Variants in DLG2 observed in about 807,000 individuals in gnomAD.
DLG2 encodes the protein disks large homolog 2.
A neutral mutation model predicts 132.5 loss-of-function variants in DLG2; 45 were observed. The ratio of observed to expected loss-of-function variants is 0.34; its 90% CI spans 0.27 to 0.44. The LOEUF is 0.44. Ranked by LOEUF, DLG2 falls within the 20% of genes least tolerant of loss-of-function variation. DLG2 has a pLI of 1.00. For missense variants in DLG2, 1,045 were observed against 1,196.9 expected (o/e 0.87, Z 1.87); for synonymous variants, 424 against 419.6 (o/e 1.01, Z -0.13).
At chr11:85,455,448 A>G (rs2092390337) in intron 3 of DLG2, among the ~76,000 whole-genome samples, 1 of 152,178 alleles carries the variant, frequency 6.6e-6, no homozygotes, top group East Asian at 1.9e-4. Context: ...TTTGCTAGAT[A>G]TTGAATCATG....
chr11:84,172,707 T>A (rs1184002765), intron 8 of DLG2, among the ~76,000 whole-genome samples: 1 of 152,068 alleles, frequency 6.6e-6, no homozygotes, highest in Non-Finnish European at 1.5e-5. Flanking sequence ...CATGCGCAGC[T>A]AATTTTTGTA....
chr11:84,715,812 C>G (rs527637456), intron 6 of DLG2, among the ~76,000 whole-genome samples: 1 of 152,124 alleles, frequency 6.6e-6, no homozygotes, highest in South Asian at 2.1e-4. Context: ...TCAATGAACA[C>G]TTAGGTTGTT....
chr11:83,846,670 A>G (rs1331380279), intron 16 of DLG2, among the ~76,000 whole-genome samples: 1 of 152,174 alleles, frequency 6.6e-6, no homozygotes, highest in Non-Finnish European at 1.5e-5. Flanking sequence ...CTGAGACTAC[A>G]TATAACAACC....
At chr11:84,969,276 G>T (rs1042851891) in intron 6 of DLG2, among the ~76,000 whole-genome samples, 2 of 152,284 alleles carry the variant, frequency 1.3e-5, no homozygotes, top group East Asian at 1.9e-4. Context: ...AGTGACCATA[G>T]TGATGTCACC....
intron 19 of DLG2, among the ~76,000 whole-genome samples, chr11:83,544,468 G>A (rs1282501925): frequency 2.0e-5 from 3 of 152,052 alleles, no homozygotes; most frequent in Admixed American, 1.3e-4. Context: ...AAAAGATGAG[G>A]GACAGATCTA....
chr11:85,298,700 A>G (rs995979069), intron 3 of DLG2, among the ~76,000 whole-genome samples: 9 of 152,124 alleles, frequency 5.9e-5, no homozygotes, highest in African/African-American at 2.2e-4. Flanking sequence ...TGGTATTAAC[A>G]GGAAATTAAC....
intron 6 of DLG2, among the ~76,000 whole-genome samples, chr11:84,773,961 T>G (rs984260191): frequency 4.6e-5 from 7 of 151,972 alleles, no homozygotes; most frequent in Admixed American, 3.9e-4. Context: ...GAGAAAGAAA[T>G]AAAAGGCAAC....
At position 84,858,720 on chromosome 11, in the gene DLG2, G is replaced by A. The variant is rs913558195; in HGVS notation, c.357+252941C>T. On this transcript the variant is annotated intron_variant, in intron 6 of 27. Coordinates refer to ENST00000376104, the MANE Select transcript of DLG2 (RefSeq NM_001142699.3). ...CTCAAACAAGTCTCAAGAATTACAT[G>A]AGACAAGTACTCAAACAAAAAGAAA... Among the ~76,000 whole-genome samples, 18 of 152,126 alleles carry A rather than the reference G, an allele frequency of 1.2e-4. 1 individual carries two copies. Among genetic ancestry groups the A allele is most frequent in the Middle Eastern group, 6.8e-3 (2 of 294 alleles).
intron 6 of DLG2, among the ~76,000 whole-genome samples, chr11:85,101,870 A>G (rs945127441): frequency 5.3e-5 from 8 of 152,064 alleles, no homozygotes; most frequent in African/African-American, 1.9e-4. Flanking sequence ...TCTGAATGGT[A>G]GGTCATGCTG....
chr11:85,085,856 A>G (rs2067854872), intron 6 of DLG2, among the ~76,000 whole-genome samples: 2 of 152,174 alleles, frequency 1.3e-5, no homozygotes, highest in Non-Finnish European at 2.9e-5. Flanking sequence ...TTTATATAAC[A>G]GATAATAAAT....
At chr11:84,037,902 C>T (rs1180921321) in intron 11 of DLG2, among the ~76,000 whole-genome samples, 1 of 151,998 alleles carries the variant, frequency 6.6e-6, no homozygotes, top group African/African-American at 2.4e-5. Flanking sequence ...TTTTTTCTTG[C>T]TGAGACTACT....
At chr11:84,641,911 T>C (rs1034531968) in intron 6 of DLG2, among the ~76,000 whole-genome samples, 3 of 151,440 alleles carry the variant, frequency 2.0e-5, no homozygotes, top group Admixed American at 6.6e-5. Context: ...TGTACATGTG[T>C]GGATATGTTA....
intron 18 of DLG2, among the ~76,000 whole-genome samples, chr11:83,704,003 C>T (rs1295415908): frequency 6.6e-6 from 1 of 152,052 alleles, no homozygotes; most frequent in Admixed American, 6.6e-5. Context: ...ACCATGACTA[C>T]CATGTACAAT....
intron 4 of DLG2, among the ~76,000 whole-genome samples, chr11:85,283,018 T>A (rs1210896465): frequency 6.6e-6 from 1 of 151,950 alleles, no homozygotes; most frequent in Non-Finnish European, 1.5e-5. Flanking sequence ...TTCTCACTTA[T>A]AAGTGGGAGC....
rs558724459 is a variant in DLG2 at position 83,575,466 on chromosome 11, A to G, written c.1941-33608T>C. ...AGTATCAGAAGAGAGCTGCACAGAA[A>G]GAAAATTCTGGAAATATGCTGAGAA... On this transcript the variant is annotated intron_variant, in intron 19 of 27. Coordinates refer to ENST00000376104, the MANE Select transcript of DLG2 (RefSeq NM_001142699.3). 2.0e-5 allele frequency among the ~76,000 whole-genome samples: 3 copies of G among 152,374 alleles called. No individual in the cohort carries two copies. The South Asian group carries it at 6.2e-4, about 32-fold the overall frequency.
chr11:85,168,932 T>C (rs947148827), intron 4 of DLG2, among the ~76,000 whole-genome samples: 2 of 152,134 alleles, frequency 1.3e-5, no homozygotes, highest in African/African-American at 4.8e-5. Flanking sequence ...CAGGATACAC[T>C]GTTAAAGTAA....
At chr11:84,883,279 G>C (rs1022356076) in intron 6 of DLG2, among the ~76,000 whole-genome samples, 1 of 151,832 alleles carries the variant, frequency 6.6e-6, no homozygotes, top group Non-Finnish European at 1.5e-5. Flanking sequence ...TGGACACAGG[G>C]AGGGGAACCT....
chr11:83,586,813 C>A (rs2097094092), intron 19 of DLG2, among the ~76,000 whole-genome samples: 1 of 152,224 alleles, frequency 6.6e-6, no homozygotes, highest in Admixed American at 6.5e-5. Flanking sequence ...CATCAGGGAA[C>A]CTAGCACCAA....
chr11:83,630,061 C>T (rs1436256947), intron 19 of DLG2, among the ~76,000 whole-genome samples: 1 of 152,064 alleles, frequency 6.6e-6, no homozygotes, highest in East Asian at 1.9e-4. Flanking sequence ...TTGCACAGCA[C>T]CACTAAAGTA....
Sources: gnomAD v4.1 joint callset for allele counts (sites outside exome capture counted in the v4.1 genomes callset) on GRCh38, gnomAD v4.1.1 for gene constraint, MANE v1.5 for transcripts, NCBI Gene and HGNC (gene_info 2026-07-23, HGNC 2026-07-21) for gene names.